OPLAH: variants seen among roughly 807,000 people sequenced by gnomAD.
OPLAH encodes the protein 5-oxoprolinase.
Under a neutral mutation model 122.8 loss-of-function variants are expected in OPLAH, and 103 were observed. The observed-to-expected ratio is 0.84, with a 90% CI of 0.71 to 0.99. OPLAH has a LOEUF of 0.99. Among genes scored for constraint, OPLAH ranks in the 50% least tolerant of loss-of-function variants. OPLAH has a pLI of 0.00. For missense variants in OPLAH, 1,902 were observed against 1,836.5 expected (o/e 1.04, Z -0.65); for synonymous variants, 875 against 796.0 (o/e 1.10, Z -1.67).
chr8:144,061,682 A>ACCC (rs1835666169), upstream of OPLAH, among the ~76,000 whole-genome samples: 1 of 152,234 alleles, frequency 6.6e-6, no homozygotes, highest in African/African-American at 2.4e-5. Context: ...AAGGGGAGGC[A>ACCC]TTAATAATCC....
chr8:144,063,393 A>G (rs1041944635), upstream of OPLAH, among the ~76,000 whole-genome samples: 8 of 152,212 alleles, frequency 5.3e-5, no homozygotes, highest in African/African-American at 1.9e-4. This position sits in a 1 kb window ranked among gnomAD's most constrained non-coding sequence, Gnocchi z 4.2. Flanking sequence ...CCCCACCACC[A>G]GAGAGCGCAG....
At position 144,055,747 on chromosome 8, in the gene OPLAH, C is replaced by T. The variant is rs192953897; in HGVS notation, c.2248+41G>A. On this transcript the variant is annotated intron_variant, in intron 16 of 26. Coordinates refer to ENST00000618853, the MANE Select transcript of OPLAH (RefSeq NM_017570.5). This position sits in a 1 kb window ranked among gnomAD's most constrained non-coding sequence, Gnocchi z 6.5. ...CCTGCCAGCTACCCCATGACACAGC[C>T]GGCGCCTCATCCCACAGGGAGCCTG... 39 of 1,463,736 alleles carry T rather than the reference C, an allele frequency of 2.7e-5. No individual in the cohort carries two copies. Among genetic ancestry groups the T allele is most frequent in the African/African-American group, 1.7e-4 (12 of 70,832 alleles). 90.7% of individuals were successfully genotyped at this position (1,463,736 alleles called of 1,614,324 possible). A position where few individuals can be genotyped will look rare whatever the true frequency, so the allele number is the denominator to read the frequency against.
chr8:144,056,865 TG>T, intron 12 of OPLAH, 82 bp downstream of exon 12: 1 of 1,504,082 alleles, frequency 6.6e-7, no homozygotes, highest in Non-Finnish European at 8.9e-7. Flanking sequence ...CGGGACCACC[TG>T]GGAAGTCATC....
rs782169348 is a variant in OPLAH at position 144,059,739 on chromosome 8, C to T, written c.223G>A (p.Ala75Thr). ...RDQPLDSSHIASIRMGTTVAT... is the reference protein window; with the variant it reads ...RDQPLDSSHITSIRMGTTVAT... ...ACTGTGGTGCCCATGCGGATGCTGGCGATATGACTGGAGTCCAGCGGCTGG... is the reference window on the plus strand; with the variant it reads ...ACTGTGGTGCCCATGCGGATGCTGGTGATATGACTGGAGTCCAGCGGCTGG... Residue 75 changes from alanine to threonine, a missense_variant, in exon 3 of 27, where the codon GCC becomes ACC. Physicochemically the swap from Ala to Thr is moderately conservative, Grantham distance 58. Around this residue, in one of 3 missense-constraint regions of OPLAH, gnomAD observed 168 missense variants for 170.6 expected, o/e 0.98. Transcript: ENST00000618853. 1.1e-5 allele frequency: 17 copies of T among 1,610,668 alleles called. No homozygotes were observed. The highest frequency in any genetic ancestry group is 1.7e-5 in the Admixed American group (1 of 59,998).
At position 144,059,776 on chromosome 8, in the gene OPLAH, G is replaced by A. The variant is rs782684902; in HGVS notation, c.186C>T (p.Leu62=). Residue 62 remains leucine (L), a synonymous_variant, in exon 3 of 27, where the codon CTC becomes CTT. Transcript: ENST00000618853. ...AGTCCAGCGGCTGGTCCCGGGGCAG[G>A]AGCATGCCGGCCTCCTGGGGACCAC... ...RRILEQEAGM[L]LPRDQPLDSS... is the part of the protein sequence containing the mutation. The A allele has an allele frequency of 5.6e-6, 9 of 1,608,282 alleles. No homozygotes were observed. The African/African-American group carries it at 8.0e-5, about 14-fold the overall frequency.
In OPLAH at chr8:144,051,973, C is replaced by T; in HGVS notation, c.3565G>A (p.Glu1189Lys). The T allele has an allele frequency of 6.3e-7, 1 of 1,577,248 alleles. No homozygotes were observed. Among genetic ancestry groups the T allele is most frequent in the Non-Finnish European group, 8.5e-7 (1 of 1,170,144 alleles). The change falls in exon 25 of 27, where the codon GAG becomes AAG. Residue 1189 changes from glutamate to lysine, a missense_variant. This residue lies in a region of OPLAH where 1,726 missense variants were observed against 1,642.1 expected (regional missense o/e 1.05). Transcript: ENST00000618853. Reference protein sequence around the residue: ...GVTRELLFREEALLSVLTERR... With the variant: ...GVTRELLFREKALLSVLTERR... ...TCGGTCAGCACTGACAGCAGCGCCTCCTCACGAAAGAGCAGCTCGCGGGTG... is the reference window on the plus strand; with the variant it reads ...TCGGTCAGCACTGACAGCAGCGCCTTCTCACGAAAGAGCAGCTCGCGGGTG...
Position 144,056,654 on chromosome 8 carries a change from G to T in OPLAH, c.1808C>A (p.Pro603His), listed in dbSNP as rs1256894708. ...GGCTGCCCCGAAGTCCCCCGCACGG[G>T]GCGAGCGGGCTGTGGCTGGGTGCTG... ...AHQHPATARS[P>H]RAGDFGAAFV... is the part of the protein sequence containing the mutation. The change falls in exon 13 of 27, where the codon CCC becomes CAC. Residue 603 changes from proline to histidine, a missense_variant. By Grantham distance (77) the Pro-to-His change is moderately conservative (BLOSUM62 -2). Around this residue, in one of 3 missense-constraint regions of OPLAH, gnomAD observed 1,726 missense variants for 1,642.1 expected, o/e 1.05. Transcript: ENST00000618853. 1.2e-6 allele frequency: 2 copies of T among 1,612,072 alleles called. No homozygotes were observed. The highest frequency in any genetic ancestry group is 1.7e-6 in the Non-Finnish European group (2 of 1,179,770).
rs1018525295 is a variant in OPLAH at position 144,059,703 on chromosome 8, C to T, written c.259G>A (p.Ala87Thr). ...IRMGTTVATN[A>T]LLERKGERVA... ...CGCTCCCCCTTCCGCTCCAGCAGTG[C>T]GTTGGTGGCCACTGTGGTGCCCATG... Residue 87 changes from alanine to threonine, a missense_variant, in exon 3 of 27, where the codon GCA becomes ACA. Around this residue, in one of 3 missense-constraint regions of OPLAH, gnomAD observed 168 missense variants for 170.6 expected, o/e 0.98. Coordinates refer to ENST00000618853, the MANE Select transcript of OPLAH (RefSeq NM_017570.5). The T allele has an allele frequency of 2.5e-6, 4 of 1,611,938 alleles. No homozygotes were observed. Among genetic ancestry groups the T allele is most frequent in the South Asian group, 2.2e-5 (2 of 91,086 alleles).
chr8:144,051,873 G>A (rs1554757738), intron 25 of OPLAH, 43 bp downstream of exon 25: 4 of 1,120,584 alleles, frequency 3.6e-6, no homozygotes, highest in Admixed American at 2.1e-5. Context: ...GCGGGGGTGG[G>A]GGCGGGGGCG....
At chr8:144,062,229 C>T (rs1835675505), upstream of OPLAH, among the ~76,000 whole-genome samples, 1 of 152,098 alleles carries the variant, frequency 6.6e-6, no homozygotes, top group Non-Finnish European at 1.5e-5. Flanking sequence ...GCAGTGGACT[C>T]CAGCTCCCCA....
chr8:144,051,228 C>A, downstream of OPLAH: 1 of 1,555,974 alleles, frequency 6.4e-7, no homozygotes, highest in Non-Finnish European at 8.7e-7. Flanking sequence ...ATGAGGGGCG[C>A]GCGGCTGGCG....
chr8:144,052,474 G>GC lies in OPLAH; in HGVS notation c.3277dup (p.Ala1093GlyfsTer57). Reference sequence around the variant, plus strand: ...CTGGGAGGCGGCGCAGGCCCCAAAGGCCCCCAGGATGACATCCACCACGCG... The same window carrying GC: ...CTGGGAGGCGGCGCAGGCCCCAAAGGCCCCCCAGGATGACATCCACCACGCG... On this transcript the variant is annotated frameshift_variant, in exon 23 of 27. Transcript: ENST00000618853. LOFTEE classifies it high-confidence loss of function. The GC allele has an allele frequency of 6.4e-7, 1 of 1,551,276 alleles. No homozygotes were observed. The highest frequency in any genetic ancestry group is 8.7e-7 in the Non-Finnish European group (1 of 1,154,646).
chr8:144,057,411 G>C, intron 10 of OPLAH, 37 bp downstream of exon 10: 1 of 1,590,142 alleles, frequency 6.3e-7, no homozygotes. Context: ...GAGCAGGGCT[G>C]GGGGCAGGAC....
In OPLAH at chr8:144,052,502, G is replaced by A. The variant is rs1190415798; in HGVS notation, c.3250C>T (p.Gln1084Ter). The change falls in exon 23 of 27, where the codon CAG becomes TAG. Residue 1084 changes from glutamine (Q) to a stop codon, truncating the protein, a stop_gained. Transcript: ENST00000618853. LOFTEE classifies it high-confidence loss of function. ...AVVGGNVLTS[Q>*]RVVDVILGAF... ...CCCAGGATGACATCCACCACGCGCT[G>A]CGACGTGAGCACGTTGCCGCCCACC... 16 of 1,573,616 alleles carry A rather than the reference G, an allele frequency of 1.0e-5. No individual in the cohort carries two copies. Among genetic ancestry groups the A allele is most frequent in the African/African-American group, 1.3e-5 (1 of 74,390 alleles).
chr8:144,052,868 C>G lies in OPLAH; in HGVS notation c.3051G>C (p.Gly1017=). The change falls in exon 22 of 27, where the codon GGG becomes GGC. Residue 1017 remains glycine, a synonymous_variant. Coordinates refer to ENST00000618853, the MANE Select transcript of OPLAH (RefSeq NM_017570.5). ...GSAVFDFSGT[G]PEVFGNLNAP... is the part of the protein sequence containing the mutation. ...CGTTGAGATTACCAAACACCTCCGG[C>G]CCAGTGCCGCTGAAGTCAAACACGG... 1.3e-6 allele frequency: 2 copies of G among 1,553,856 alleles called. No homozygotes were observed. The highest frequency in any genetic ancestry group is 1.7e-6 in the Non-Finnish European group (2 of 1,149,220).
At position 144,058,304 on chromosome 8, in the gene OPLAH, A is replaced by C; in HGVS notation, c.884T>G (p.Val295Gly). 6.2e-7 allele frequency: 1 copy of C among 1,607,716 alleles called. No individual in the cohort carries two copies. Among genetic ancestry groups the C allele is most frequent in the Non-Finnish European group, 8.5e-7 (1 of 1,178,488 alleles). ...AVLSGPAGGV[V>G]GYSATTYQQE... ...CTGGTAGGTGGTGGCTGAGTAGCCC[A>C]CCACGCCGCCGGCCGGGCCCGAGAG... The change falls in exon 7 of 27, where the codon GTG becomes GGG. Residue 295 changes from valine (V) to glycine (G), a missense_variant. Physicochemically the swap from Val to Gly is moderately radical, Grantham distance 109. This residue lies in a region of OPLAH where 1,726 missense variants were observed against 1,642.1 expected (regional missense o/e 1.05). Coordinates refer to ENST00000618853, the MANE Select transcript of OPLAH (RefSeq NM_017570.5).
Position 144,057,452 on chromosome 8 carries a change from G to GT in OPLAH, c.1417dup (p.Thr473AsnfsTer7). On this transcript the variant is annotated frameshift_variant, in exon 10 of 27. Transcript: ENST00000618853. LOFTEE classifies it high-confidence loss of function. ...GGAGAGCAGAGGTGGACGTACCTGC[G>GT]TGAGTGCACGGATGGGCCGGCACAT... The GT allele has an allele frequency of 1.3e-6, 2 of 1,585,490 alleles. No individual in the cohort carries two copies. Among genetic ancestry groups the GT allele is most frequent in the Non-Finnish European group, 8.6e-7 (1 of 1,166,068 alleles).
At chr8:144,061,796 G>A (rs1286675695), upstream of OPLAH, among the ~76,000 whole-genome samples, 1 of 152,210 alleles carries the variant, frequency 6.6e-6, no homozygotes, top group Non-Finnish European at 1.5e-5. Context: ...ACCGAGGCGT[G>A]TGGATCATGA....
At chr8:144,052,729 G>T in intron 22 of OPLAH, 37 bp downstream of exon 22, 1 of 1,556,142 alleles carries the variant, frequency 6.4e-7, no homozygotes, top group Non-Finnish European at 8.7e-7. Flanking sequence ...GGTGACCTCG[G>T]GCTGGGGCCC....
Sources: allele counts gnomAD v4.1 joint callset (sites outside exome capture counted in the v4.1 genomes callset), GRCh38; gene constraint gnomAD v4.1.1; regional missense constraint gnomAD v4.1.1; non-coding constraint Gnocchi (gnomAD v3.1); transcripts MANE v1.5; gene names NCBI Gene and HGNC (gene_info 2026-07-23, HGNC 2026-07-21).